DOCK1: variants seen among roughly 807,000 people sequenced by gnomAD.
The protein encoded by DOCK1 is dedicator of cytokinesis 1.
Under a neutral mutation model 262.7 loss-of-function variants are expected in DOCK1, and 138 were observed. That is an observed-to-expected ratio of 0.53 (90% CI 0.46 to 0.61). The LOEUF (loss-of-function observed/expected upper bound fraction) is 0.61, where lower values mean the gene tolerates loss of function less well. Ranked by LOEUF, DOCK1 falls within the 20% of genes least tolerant of loss-of-function variation. DOCK1 has a pLI of 0.00. For missense variants in DOCK1, 1,908 were observed against 2,370.7 expected (o/e 0.80, Z 4.05); for synonymous variants, 866 against 867.4 (o/e 1.00, Z 0.03).
At chr10:127,110,452 C>A in intron 25 of DOCK1, 98 bp downstream of exon 25, 1 of 1,101,016 alleles carries the variant, frequency 9.1e-7, no homozygotes, top group Non-Finnish European at 1.3e-6. Context: ...GGAGTAGAGG[C>A]TGCAACCAAT....
chr10:127,359,347 C>T (rs1293288603), intron 32 of DOCK1, among the ~76,000 whole-genome samples: 1 of 152,158 alleles, frequency 6.6e-6, no homozygotes, highest in East Asian at 1.9e-4. Context: ...CTTCTTTTTC[C>T]AATCCCTGCT....
intron 23 of DOCK1, among the ~76,000 whole-genome samples, chr10:127,072,548 A>G (rs967419619): frequency 2.0e-4 from 30 of 152,222 alleles, no homozygotes; most frequent in African/African-American, 6.0e-4. Flanking sequence ...TAGGGGTTCA[A>G]AGAAGGTGCT....
chr10:127,156,036 G>C (rs2053011286), intron 27 of DOCK1, among the ~76,000 whole-genome samples: 3 of 152,196 alleles, frequency 2.0e-5, no homozygotes, highest in Non-Finnish European at 2.9e-5. Flanking sequence ...GGTTCTTACA[G>C]TGGGCGAAAC....
At chr10:127,132,395 G>A (rs2050378277) in intron 27 of DOCK1, among the ~76,000 whole-genome samples, 1 of 152,184 alleles carries the variant, frequency 6.6e-6, no homozygotes, top group Admixed American at 6.5e-5. Context: ...AGAGACAGAA[G>A]CGTTGCAATA....
chr10:127,354,860 CTT>C, intron 32 of DOCK1, 133 bp downstream of exon 32: 1 of 1,041,734 alleles, frequency 9.6e-7, no homozygotes, highest in Non-Finnish European at 1.4e-6. Flanking sequence ...AGTTGCTACT[CTT>C]TGTAGTAACT....
In DOCK1 at chr10:126,995,262, C is replaced by T. The variant is rs991580879; in HGVS notation, c.474-1486C>T. Among the ~76,000 whole-genome samples, 1 of 152,212 alleles carries T rather than the reference C, an allele frequency of 6.6e-6. No homozygotes were observed. Among genetic ancestry groups the T allele is most frequent in the Non-Finnish European group, 1.5e-5 (1 of 68,046 alleles). ...GTGGCGGCCGGGCAGAGGCTGCAATCTCGGCACTTTGGGAGGCCAAGGCAG... is the reference window on the plus strand; with the variant it reads ...GTGGCGGCCGGGCAGAGGCTGCAATTTCGGCACTTTGGGAGGCCAAGGCAG... On this transcript the variant is annotated intron_variant, in intron 6 of 51. Transcript: ENST00000623213. The surrounding 1 kb of genome is among the most constrained non-coding windows in gnomAD (Gnocchi z 5.8).
At chr10:127,127,108 A>AAGGG (rs1196403265) in intron 26 of DOCK1, among the ~76,000 whole-genome samples, 1 of 152,188 alleles carries the variant, frequency 6.6e-6, no homozygotes, top group Non-Finnish European at 1.5e-5. Flanking sequence ...TGATGCTGGG[A>AAGGG]AGGGCCTAGA....
chr10:127,138,172 C>G (rs2050868326), intron 27 of DOCK1: 1 of 676,266 alleles, frequency 1.5e-6, no homozygotes, highest in Admixed American at 3.3e-5. Flanking sequence ...TGTTTTAGCT[C>G]TGTGCTCCCG....
In DOCK1 at chr10:126,926,970, G is replaced by A. The variant is rs867835418; in HGVS notation, c.46+21407G>A. Reference sequence around the variant, plus strand: ...GCAGCCCCGGGATACTGACACAGTCGTAGAAATGCAGTTGAGACACAGGGG... The same window carrying A: ...GCAGCCCCGGGATACTGACACAGTCATAGAAATGCAGTTGAGACACAGGGG... On this transcript the variant is annotated intron_variant, in intron 1 of 51. Coordinates refer to ENST00000623213, the MANE Select transcript of DOCK1 (RefSeq NM_001290223.2). Among the ~76,000 whole-genome samples the A allele has an allele frequency of 3.3e-5, 5 of 152,190 alleles. 1 individual carries two copies. Among genetic ancestry groups the A allele is most frequent in the Non-Finnish European group, 7.3e-5 (5 of 68,036 alleles).
At chr10:127,334,856 T>C (rs2063127236) in intron 29 of DOCK1, among the ~76,000 whole-genome samples, 1 of 152,168 alleles carries the variant, frequency 6.6e-6, no homozygotes, top group Non-Finnish European at 1.5e-5. Flanking sequence ...GGTTGATCCC[T>C]TCCCCCTGAG....
rs571960920 is a variant in DOCK1, at chr10:127,176,935, G to T, written c.2847+49171G>T. ...AGAGCCCTCCGAGGAGGAACGGAAA[G>T]AAATCTATTTGCGTGAGCCGTTATG... is the stretch of plus-strand genomic sequence containing the variant. On this transcript the variant is annotated intron_variant, in intron 27 of 51. Transcript: ENST00000623213. This position sits in a 1 kb window ranked among gnomAD's most constrained non-coding sequence, Gnocchi z 4.4. 537 of 152,868 alleles carry T rather than the reference G, an allele frequency of 3.5e-3. 2 individuals are homozygous for T. Among genetic ancestry groups the T allele is most frequent in the Non-Finnish European group, 3.7e-3 (252 of 68,526 alleles). The allele number at this position is 152,868 out of a possible 1,614,324, so 9.5% of individuals were successfully genotyped here. A position where few individuals can be genotyped will look rare whatever the true frequency, so the allele number is the denominator to read the frequency against.
At chr10:127,075,653 G>T (rs186026522) in intron 23 of DOCK1, among the ~76,000 whole-genome samples, 1 of 152,234 alleles carries the variant, frequency 6.6e-6, no homozygotes, top group East Asian at 1.9e-4. Flanking sequence ...TCACATGGCG[G>T]CAGGAGAGAG....
intron 27 of DOCK1, chr10:127,138,083 G>A (rs2050859899): frequency 1.4e-6 from 2 of 1,431,292 alleles, no homozygotes; most frequent in Non-Finnish European, 1.9e-6. Flanking sequence ...ATCCCTCTTA[G>A]TGTCAGCAAG....
chr10:127,238,095 G>A (rs2059135745), intron 27 of DOCK1, among the ~76,000 whole-genome samples: 1 of 152,176 alleles, frequency 6.6e-6, no homozygotes. Flanking sequence ...TAACTGCTCT[G>A]TAGGCACAGG....
intron 27 of DOCK1, among the ~76,000 whole-genome samples, chr10:127,229,447 C>A (rs1249753293): frequency 6.6e-6 from 1 of 152,126 alleles, no homozygotes; most frequent in Non-Finnish European, 1.5e-5. Context: ...TCTATGAGTT[C>A]GACTTGTAGA....
chr10:126,917,722 A>G (rs925406943), intron 1 of DOCK1, among the ~76,000 whole-genome samples: 2 of 152,108 alleles, frequency 1.3e-5, no homozygotes, highest in African/African-American at 4.8e-5. Context: ...CCCAGTGAGA[A>G]TGGTCTTGAG....
chr10:127,351,978 C>T (rs907354976), intron 31 of DOCK1, among the ~76,000 whole-genome samples: 3 of 151,640 alleles, frequency 2.0e-5, no homozygotes, highest in Non-Finnish European at 2.9e-5. Flanking sequence ...CCTTGATGCC[C>T]GCAGGCCCGG....
At position 127,017,519 on chromosome 10, in the gene DOCK1, G is replaced by A. The variant is rs555791983; in HGVS notation, c.1202-1191G>A. ...CACAGAGACACACACAGACACACAC[G>A]TGTACAGACACACATGGACACACAG... On this transcript the variant is annotated intron_variant, in intron 12 of 51. Transcript: ENST00000623213. Among the ~76,000 whole-genome samples the A allele has an allele frequency of 2.8e-5, 4 of 144,802 alleles. No individual in the cohort carries two copies. The South Asian group carries it at 7.0e-4, about 25-fold the overall frequency. The allele number at this position is 144,802 out of a possible 152,430, so 95.0% of individuals were successfully genotyped here.
chr10:127,150,994 C>A (rs958024379), intron 27 of DOCK1, among the ~76,000 whole-genome samples: 1 of 152,172 alleles, frequency 6.6e-6, no homozygotes, highest in Non-Finnish European at 1.5e-5. Context: ...TCATGCGATT[C>A]AAATTAAAAT....
Sources: gnomAD v4.1 joint callset for allele counts (sites outside exome capture counted in the v4.1 genomes callset) on GRCh38, gnomAD v4.1.1 for gene constraint, Gnocchi (gnomAD v3.1) non-coding constraint, MANE v1.5 for transcripts, NCBI Gene and HGNC (gene_info 2026-07-23, HGNC 2026-07-21) for gene names.